The following ERC2 variants were observed in gnomAD, a reference collection of about 807,000 sequenced individuals.
The protein encoded by ERC2 is ELKS/RAB6-interacting/CAST family member 2, also known as ERC protein 2.
In ERC2, 42 loss-of-function variants were observed where a neutral mutation model predicts 114.8. The observed-to-expected ratio is 0.37, with a 90% CI of 0.29 to 0.47. The LOEUF (loss-of-function observed/expected upper bound fraction) is 0.47, where lower values mean the gene tolerates loss of function less well. Ranked by LOEUF, ERC2 falls within the 20% of genes least tolerant of loss-of-function variation. ERC2 has a pLI of 0.99. For synonymous variants in ERC2, 454 were observed against 425.5 expected (o/e 1.07, Z -0.82); for missense variants, 939 against 1,150.7 (o/e 0.82, Z 2.66).
intron 14 of ERC2, among the ~76,000 whole-genome samples, chr3:55,836,304 T>G (rs1231723905): frequency 6.6e-6 from 1 of 152,184 alleles, no homozygotes; most frequent in Non-Finnish European, 1.5e-5. Context: ...AAGTCAATCC[T>G]AAGCCAAAAG....
chr3:56,147,609 T>C (rs1424213211), intron 5 of ERC2, among the ~76,000 whole-genome samples: 1 of 152,198 alleles, frequency 6.6e-6, no homozygotes, highest in Non-Finnish European at 1.5e-5. Context: ...TTTTCTCTCC[T>C]CTCCCACTGC....
intron 2 of ERC2, among the ~76,000 whole-genome samples, chr3:56,372,322 C>T (rs934847863): frequency 6.6e-5 from 10 of 152,198 alleles, no homozygotes; most frequent in African/African-American, 2.2e-4. Flanking sequence ...ATTCCAGGCA[C>T]AATTTCTAAA....
intron 15 of ERC2, among the ~76,000 whole-genome samples, chr3:55,720,543 C>T (rs796931230): frequency 9.2e-5 from 14 of 152,002 alleles, no homozygotes; most frequent in African/African-American, 3.4e-4. Context: ...CCTTGGCCTC[C>T]CAAAGTGTTG....
chr3:55,963,722 G>A (rs2068551591), intron 12 of ERC2, among the ~76,000 whole-genome samples: 1 of 152,180 alleles, frequency 6.6e-6, no homozygotes, highest in Admixed American at 6.5e-5. Context: ...AGCCACATTA[G>A]GGCCAATTTG....
At chr3:56,302,657 C>T (rs1360017810) in intron 2 of ERC2, among the ~76,000 whole-genome samples, 1 of 152,200 alleles carries the variant, frequency 6.6e-6, no homozygotes, top group Non-Finnish European at 1.5e-5. Context: ...TGAAAACACA[C>T]TTCTTTTAAG....
intron 17 of ERC2, among the ~76,000 whole-genome samples, chr3:55,666,200 T>C (rs769863325): frequency 5.9e-5 from 9 of 152,162 alleles, no homozygotes; most frequent in Non-Finnish European, 1.0e-4. Context: ...ATCAAGTCTG[T>C]TGACTCCAGC....
chr3:55,590,178 G>GAAGTAAA (rs1194562680), intron 17 of ERC2, among the ~76,000 whole-genome samples: 1 of 152,152 alleles, frequency 6.6e-6, no homozygotes, highest in Non-Finnish European at 1.5e-5. Context: ...AAATCTAAGT[G>GAAGTAAA]AAGTAAAAAG....
At chr3:55,798,168 T>A (rs550336156) in intron 14 of ERC2, among the ~76,000 whole-genome samples, 3 of 152,160 alleles carry the variant, frequency 2.0e-5, no homozygotes, top group African/African-American at 7.2e-5. Context: ...TTTGCAAAGA[T>A]AATGGCTAAT....
chr3:55,604,373 A>G (rs1212532334), intron 17 of ERC2, among the ~76,000 whole-genome samples: 1 of 152,240 alleles, frequency 6.6e-6, no homozygotes, highest in Non-Finnish European at 1.5e-5. Context: ...TATCAATAAT[A>G]TTAACCAGTG....
chr3:56,015,193 T>G (rs2073222530), intron 8 of ERC2, among the ~76,000 whole-genome samples: 1 of 152,168 alleles, frequency 6.6e-6, no homozygotes. Flanking sequence ...AAGCCTCATT[T>G]TAATTGTTTG....
At chr3:55,969,109 C>T (rs932068956) in intron 12 of ERC2, among the ~76,000 whole-genome samples, 1 of 152,186 alleles carries the variant, frequency 6.6e-6, no homozygotes, top group African/African-American at 2.4e-5. Context: ...CATTACTTTT[C>T]ATCCTTCTCT....
chr3:56,017,241 A>C (rs1362113285), intron 8 of ERC2, among the ~76,000 whole-genome samples: 1 of 152,054 alleles, frequency 6.6e-6, no homozygotes, highest in Admixed American at 6.6e-5. Context: ...GAGAGGAGAG[A>C]GCATATGCAA....
chr3:55,683,713 G>A, intron 17 of ERC2, 81 bp downstream of exon 17: 2 of 1,129,502 alleles, frequency 1.8e-6, no homozygotes, highest in Non-Finnish European at 1.3e-6. Flanking sequence ...ACAAACATCA[G>A]CGAGCACAAT....
intron 13 of ERC2, among the ~76,000 whole-genome samples, chr3:55,934,966 C>G (rs1219418034): frequency 6.6e-6 from 1 of 152,184 alleles, no homozygotes. Context: ...CTGTTCCCAT[C>G]TCTGTGCACA....
intron 3 of ERC2, among the ~76,000 whole-genome samples, chr3:56,214,012 A>T (rs1365453182): frequency 6.6e-6 from 1 of 152,190 alleles, no homozygotes; most frequent in Admixed American, 6.5e-5. Flanking sequence ...GTACGTCACC[A>T]TCATCAAAGA....
intron 17 of ERC2, among the ~76,000 whole-genome samples, chr3:55,535,532 A>C (rs758832325): frequency 6.6e-6 from 1 of 152,204 alleles, no homozygotes; most frequent in African/African-American, 2.4e-5. Flanking sequence ...TGAGGTTCTG[A>C]TGACTGGTGT....
chr3:56,386,535 T>C (rs1005809811), intron 2 of ERC2, among the ~76,000 whole-genome samples: 3 of 152,166 alleles, frequency 2.0e-5, no homozygotes, highest in African/African-American at 7.2e-5. Flanking sequence ...TCTCTGCAGT[T>C]GGATTTTGTT....
At chr3:55,814,879 G>A (rs976158331) in intron 14 of ERC2, among the ~76,000 whole-genome samples, 19 of 152,194 alleles carry the variant, frequency 1.2e-4, no homozygotes, top group African/African-American at 3.6e-4. Flanking sequence ...CAAGAAGTCT[G>A]CTCTTTACCC....
At chr3:56,333,438 T>C (rs1195582792) in intron 2 of ERC2, among the ~76,000 whole-genome samples, 3 of 152,240 alleles carry the variant, frequency 2.0e-5, no homozygotes, top group Non-Finnish European at 2.9e-5. Context: ...GGAATAACAA[T>C]AATCGTATCT....
Sources: gnomAD v4.1 joint callset for allele counts (sites outside exome capture counted in the v4.1 genomes callset) on GRCh38, gnomAD v4.1.1 for gene constraint, MANE v1.5 for transcripts, NCBI Gene and HGNC (gene_info 2026-07-23, HGNC 2026-07-21) for gene names.